Variants in EPPK1 observed in about 807,000 individuals in gnomAD.
EPPK1 encodes the protein epiplakin 1.
For missense variants in EPPK1, 3,823 were observed against 3,673.3 expected, an observed-to-expected ratio of 1.04 and a Z score of -1.05; for synonymous variants, 1,862 against 1,721.2, an observed-to-expected ratio of 1.08 and a Z score of -2.03.
Position 143,867,292 on chromosome 8 carries a change from G to C in EPPK1, c.5962C>G (p.Pro1988Ala). The change falls in exon 2 of 2, where the codon CCG becomes GCG. Residue 1988 changes from proline to alanine, a missense_variant. Pro to Ala is a conservative substitution (Grantham distance 27, BLOSUM62 -1). Transcript: ENST00000615648. The part of the protein sequence containing the change: ...YRDPATGDTI[P>A]LFQAMQKQLI... ...TGCTTCTGCATGGCCTGGAACAGCG[G>C]GATCGTGTCTCCTGTGGCCGGATCC... 1 of 1,612,396 alleles carries C rather than the reference G, an allele frequency of 6.2e-7. No homozygotes were observed. The highest frequency in any genetic ancestry group is 8.5e-7 in the Non-Finnish European group (1 of 1,179,622).
rs782518714 is a variant in EPPK1, at chr8:143,870,016, A to G, written c.3238T>C (p.Ser1080Pro). 1.2e-5 allele frequency: 19 copies of G among 1,610,050 alleles called. No homozygotes were observed. Among genetic ancestry groups the G allele is most frequent in the Non-Finnish European group, 8.5e-7 (1 of 1,178,700 alleles). ...TCCGGTGTGGGGAAGGTTTCGGAGG[A>G]GCTGGACAAGGCTGTCTCCATCTCC... ...DQEMETALSSSSETFPTPDGQ... is the reference protein window; with the variant it reads ...DQEMETALSSPSETFPTPDGQ... Residue 1080 changes from serine (S) to proline (P), a missense_variant, in exon 2 of 2, where the codon TCC (serine) becomes CCC (proline). Ser to Pro is a moderately conservative substitution (Grantham distance 74). Coordinates refer to ENST00000615648, the MANE Select transcript of EPPK1 (RefSeq NM_031308.4). The surrounding 1 kb of genome is among the most constrained non-coding windows in gnomAD (Gnocchi z 5.2).
rs782660888 is a variant in EPPK1, at chr8:143,872,965, T to C, written c.289A>G (p.Lys97Glu). ...LARGQLLPVS[K>E]ALQQGLVGLE... Reference sequence around the variant, plus strand: ...CCCACCAGACCCTGCTGCAGGGCCTTGGACACAGGGAGCAGCTGGCCCCGG... The same window carrying C: ...CCCACCAGACCCTGCTGCAGGGCCTCGGACACAGGGAGCAGCTGGCCCCGG... The change falls in exon 2 of 2, where the codon AAG (lysine) becomes GAG (glutamate). Residue 97 changes from lysine to glutamate, a missense_variant. Lys to Glu is a moderately conservative substitution (Grantham distance 56). Transcript: ENST00000615648. 3.7e-6 allele frequency: 6 copies of C among 1,600,656 alleles called. No individual in the cohort carries two copies. In the African/African-American group the frequency reaches 5.4e-5, roughly 14 times the overall value.
chr8:143,874,532 C>T (rs782210913), intron 1 of EPPK1, among the ~76,000 whole-genome samples: 8 of 152,280 alleles, frequency 5.3e-5, no homozygotes, highest in Middle Eastern at 3.4e-3. Flanking sequence ...ATTCCCAGGA[C>T]GCCTGGGGCC....
chr8:143,857,872 TA>T lies in EPPK1; in HGVS notation c.*114del. 2 of 672,516 alleles carry T rather than the reference TA, an allele frequency of 3.0e-6. No homozygotes were observed. Among genetic ancestry groups the T allele is most frequent in the Non-Finnish European group, 4.2e-6 (2 of 481,768 alleles). The allele number at this position is 672,516 out of a possible 1,614,324, so 41.7% of individuals were successfully genotyped here. On this transcript the variant is annotated 3_prime_UTR_variant, in exon 2 of 2. Coordinates refer to ENST00000615648, the MANE Select transcript of EPPK1 (RefSeq NM_031308.4). ...ACGTTTTCCACAGATAACGAATGGGTAAAACAACAAAATTAAAGAATGACAA... is the reference window on the plus strand; with the variant it reads ...ACGTTTTCCACAGATAACGAATGGGTAAACAACAAAATTAAAGAATGACAA...
chr8:143,868,064 G>A lies in EPPK1; in HGVS notation c.5190C>T (p.Asp1730=), dbSNP rs372400255. Residue 1730 remains aspartate (D), a synonymous_variant, in exon 2 of 2, where the codon GAC becomes GAT. Transcript: ENST00000615648. ...ACGTGAGGTTCTCGTGCGTGTTGGG[G>A]TCGAAGAAGCCCTTGGTGTCGTCGC... ...DPSDDTKGFF[D]PNTHENLTYL... is the part of the protein sequence containing the mutation. The A allele has an allele frequency of 1.2e-6, 2 of 1,613,548 alleles. No homozygotes were observed. Among genetic ancestry groups the A allele is most frequent in the Non-Finnish European group, 1.7e-6 (2 of 1,180,048 alleles).
chr8:143,876,619 C>T (rs1360480576), intron 1 of EPPK1, among the ~76,000 whole-genome samples: 3 of 152,222 alleles, frequency 2.0e-5, no homozygotes, highest in African/African-American at 7.2e-5. Context: ...CCAGCCTGGG[C>T]GCTTTTGTGT....
rs1819347772 is a variant in EPPK1, at chr8:143,871,513, C to T, written c.1741G>A (p.Asp581Asn). The change falls in exon 2 of 2, where the codon GAC becomes AAC. Residue 581 changes from aspartate to asparagine, a missense_variant. Asp to Asn is a conservative substitution (Grantham distance 23). Transcript: ENST00000615648. ...ELLKAEIIDQDLYERLEHGQA... is the reference protein window; with the variant it reads ...ELLKAEIIDQNLYERLEHGQA... ...CCATGCTCCAGCCGCTCGTACAGGT[C>T]CTGGTCGATGATCTCGGCTTTCAGC... 6.2e-7 allele frequency: 1 copy of T among 1,609,980 alleles called. No homozygotes were observed. The highest frequency in any genetic ancestry group is 1.7e-5 in the Admixed American group (1 of 59,714).
In EPPK1 at chr8:143,867,679, G is replaced by C. The variant is rs1554659562; in HGVS notation, c.5575C>G (p.Leu1859Val). 3 of 1,613,498 alleles carry C rather than the reference G, an allele frequency of 1.9e-6. No homozygotes were observed. The highest frequency in any genetic ancestry group is 2.2e-5 in the East Asian group (1 of 44,874). The change falls in exon 2 of 2, where the codon CTG (leucine) becomes GTG (valine). Residue 1859 changes from leucine to valine, a missense_variant. Coordinates refer to ENST00000615648, the MANE Select transcript of EPPK1 (RefSeq NM_031308.4). ...TGATCGATGACCCTGGAGTTGAACA[G>C]GTCTGCAGCTGTCACCTCCCCTCTG... ...AIRGEVTAAD[L>V]FNSRVIDQKT...
chr8:143,874,132 T>C (rs1819435503), intron 1 of EPPK1, among the ~76,000 whole-genome samples: 1 of 152,146 alleles, frequency 6.6e-6, no homozygotes, highest in African/African-American at 2.4e-5. Context: ...CTCTCCCCCA[T>C]GGGCCCTGGT....
Position 143,866,803 on chromosome 8 carries a change from G to A in EPPK1, c.6451C>T (p.Leu2151=), listed in dbSNP as rs948199896. The A allele has an allele frequency of 1.9e-6, 3 of 1,613,458 alleles. No individual in the cohort carries two copies. The highest frequency in any genetic ancestry group is 2.5e-6 in the Non-Finnish European group (3 of 1,179,854). Residue 2151 remains leucine, a synonymous_variant, in exon 2 of 2, where the codon CTG becomes TTG. Coordinates refer to ENST00000615648, the MANE Select transcript of EPPK1 (RefSeq NM_031308.4). ...RMYRTHTRRA[L]QTVAQLILEL... ...AAGATGAGCTGCGCTACCGTCTGCAGTGCCCGTCTGGTGTGTGTTCTATAC... is the reference window on the plus strand; with the variant it reads ...AAGATGAGCTGCGCTACCGTCTGCAATGCCCGTCTGGTGTGTGTTCTATAC...
chr8:143,873,223 CG>C lies in EPPK1; in HGVS notation c.30del (p.Val11SerfsTer33), dbSNP rs781810535. The C allele has an allele frequency of 1.9e-6, 3 of 1,576,132 alleles. No individual in the cohort carries two copies. Among genetic ancestry groups the C allele is most frequent in the Non-Finnish European group, 2.6e-6 (3 of 1,166,656 alleles). On this transcript the variant is annotated frameshift_variant, in exon 2 of 2. Coordinates refer to ENST00000615648, the MANE Select transcript of EPPK1 (RefSeq NM_031308.4). LOFTEE classifies it low-confidence loss of function (END_TRUNC). The stretch of plus-strand genomic sequence containing the variant: ...TGCTCTGTGCTGTTGGTGCCTGGGA[CG>C]GGAAGAGGAGGCAAGGTGTGGCCAC... MSGHTLPPL[P>X]VPGTNSTEQA...
chr8:143,873,351 G>T, intron 1 of EPPK1, 53 bp from the exon 2 acceptor site: 2 of 1,300,922 alleles, frequency 1.5e-6, no homozygotes, highest in Non-Finnish European at 2.0e-6. Flanking sequence ...TGGTGGGCAC[G>T]AGGGAAGATG....
chr8:143,875,610 G>A (rs1253280128), intron 1 of EPPK1, among the ~76,000 whole-genome samples: 4 of 152,276 alleles, frequency 2.6e-5, no homozygotes, highest in African/African-American at 7.2e-5. Flanking sequence ...TAAACGACCA[G>A]CATTGGAGAA....
Position 143,868,360 on chromosome 8 carries a change from C to T in EPPK1, c.4894G>A (p.Gly1632Arg). ...KLTVEEAFKA[G>R]MFGKETYVKL... The stretch of plus-strand genomic sequence containing the variant: ...ACGTAGGTTTCTTTCCCGAACATTC[C>T]TGCTTTGAACGCCTCCTCCACGGTC... Residue 1632 changes from glycine to arginine, a missense_variant, in exon 2 of 2, where the codon GGA becomes AGA. Gly to Arg is a moderately radical substitution (Grantham distance 125, BLOSUM62 -2). Coordinates refer to ENST00000615648, the MANE Select transcript of EPPK1 (RefSeq NM_031308.4). The T allele has an allele frequency of 6.2e-7, 1 of 1,613,008 alleles. No individual in the cohort carries two copies. Among genetic ancestry groups the T allele is most frequent in the South Asian group, 1.1e-5 (1 of 91,084 alleles).
At position 143,872,109 on chromosome 8, in the gene EPPK1, T is replaced by C; in HGVS notation, c.1145A>G (p.Lys382Arg). 1 of 1,559,902 alleles carries C rather than the reference T, an allele frequency of 6.4e-7. No individual in the cohort carries two copies. ...GSQIPLFQAM[K>R]KGLVDRPLAL... is the part of the protein sequence containing the mutation. Reference sequence around the variant, plus strand: ...CAGTGGCCTGTCCACTAGCCCCTTCTTCATGGCCTGGAAAAGGGGGATTTG... The same window carrying C: ...CAGTGGCCTGTCCACTAGCCCCTTCCTCATGGCCTGGAAAAGGGGGATTTG... Residue 382 changes from lysine (K) to arginine (R), a missense_variant, in exon 2 of 2, where the codon AAG becomes AGG. Transcript: ENST00000615648.
rs900683009 is a variant in EPPK1, at chr8:143,872,644, T to C, written c.610A>G (p.Asn204Asp). 6.2e-6 allele frequency: 10 copies of C among 1,609,964 alleles called. No individual in the cohort carries two copies. In the African/African-American group the frequency reaches 1.2e-4, roughly 19 times the overall value. The change falls in exon 2 of 2, where the codon AAC becomes GAC. Residue 204 changes from asparagine to aspartate, a missense_variant. Physicochemically the swap from Asn to Asp is conservative, Grantham distance 23. Coordinates refer to ENST00000615648, the MANE Select transcript of EPPK1 (RefSeq NM_031308.4). ...TGGTATGTCAGCCGCTCCAGCGTGT[T>C]GGGGTCGAGGAAGCGCAGGTCACCT... is the stretch of plus-strand genomic sequence containing the variant. The part of the protein sequence containing the change: ...GTGDLRFLDP[N>D]TLERLTYHQL...
intron 1 of EPPK1, among the ~76,000 whole-genome samples, chr8:143,874,482 T>A (rs1016672660): frequency 3.3e-5 from 5 of 152,160 alleles, no homozygotes; most frequent in African/African-American, 1.2e-4. Flanking sequence ...AGGGCGGCCG[T>A]GTGACGACAG....
rs34753358 is a variant in EPPK1 at position 143,872,177 on chromosome 8, G to A, written c.1077C>T (p.Ala359=). 734,542 of 1,587,762 alleles carry A rather than the reference G, an allele frequency of 0.46. 178,315 individuals carry two copies. Among genetic ancestry groups the A allele is most frequent in the Middle Eastern group, 0.58 (3,427 of 5,924 alleles). The part of the protein sequence containing the change: ...SPELHEQLLV[A]EQAVTGHHDP... ...CGTGGTGCCCTGTCACGGCCTGCTC[G>A]GCCACCAGGAGCTGCTCATGGAGCT... is the stretch of plus-strand genomic sequence containing the variant. The change falls in exon 2 of 2, where the codon GCC becomes GCT. Residue 359 remains alanine (A), a synonymous_variant. Transcript: ENST00000615648.
Position 143,872,835 on chromosome 8 carries a change from T to C in EPPK1, c.419A>G (p.Glu140Gly). 1 of 1,559,810 alleles carries C rather than the reference T, an allele frequency of 6.4e-7. No homozygotes were observed. The change falls in exon 2 of 2, where the codon GAG becomes GGG. Residue 140 changes from glutamate to glycine, a missense_variant. Transcript: ENST00000615648. Reference protein sequence around the residue: ...KLALFQAIGKEVVDRALGQSW... With the variant: ...KLALFQAIGKGVVDRALGQSW... The stretch of plus-strand genomic sequence containing the variant: ...CTGCCCCAGGGCCCTGTCCACAACC[T>C]CCTTCCCGATGGCCTGAAAGAGGGC...
Sources: gnomAD v4.1 joint callset for allele counts (sites outside exome capture counted in the v4.1 genomes callset) on GRCh38, gnomAD v4.1.1 for gene constraint, Gnocchi (gnomAD v3.1) non-coding constraint, MANE v1.5 for transcripts, NCBI Gene and HGNC (gene_info 2026-07-23, HGNC 2026-07-21) for gene names.